Variants in SGCZ observed in about 807,000 individuals in gnomAD.
The protein encoded by SGCZ is sarcoglycan zeta.
In SGCZ, 40 loss-of-function variants were observed where a neutral mutation model predicts 41.3. The observed-to-expected ratio is 0.97, with a 90% CI of 0.75 to 1.26. The LOEUF is 1.26. Ranked by LOEUF, SGCZ falls within the 50% of genes most tolerant of loss-of-function variation. SGCZ has a pLI of 0.00. For missense variants in SGCZ, 552 were observed against 369.8 expected (o/e 1.49, Z -4.04); for synonymous variants, 206 against 137.5 (o/e 1.50, Z -3.49).
intron 1 of SGCZ, among the ~76,000 whole-genome samples, chr8:14,634,520 T>C (rs1405268547): frequency 2.0e-5 from 3 of 151,894 alleles, no homozygotes; most frequent in Non-Finnish European, 4.4e-5. Flanking sequence ...AATCTTCTTT[T>C]ATGATATTAG....
chr8:14,738,668 A>T (rs2130268940), intron 1 of SGCZ, among the ~76,000 whole-genome samples: 1 of 152,208 alleles, frequency 6.6e-6, no homozygotes, highest in East Asian at 1.9e-4. Context: ...TAGACTGAGA[A>T]TATTTTATTT....
intron 4 of SGCZ, among the ~76,000 whole-genome samples, chr8:14,235,024 T>A (rs2117160216): frequency 6.6e-6 from 1 of 152,278 alleles, no homozygotes; most frequent in East Asian, 1.9e-4. Context: ...ATCATCACAA[T>A]AATAGATTCA....
chr8:14,581,020 G>T (rs777663765), intron 1 of SGCZ, among the ~76,000 whole-genome samples: 1 of 152,168 alleles, frequency 6.6e-6, no homozygotes, highest in Non-Finnish European at 1.5e-5. Flanking sequence ...CACTGATACA[G>T]GTATCCTGTG....
At chr8:14,433,763 G>C (rs959912121) in intron 2 of SGCZ, among the ~76,000 whole-genome samples, 2 of 152,124 alleles carry the variant, frequency 1.3e-5, no homozygotes, top group African/African-American at 4.8e-5. Context: ...ATTGTTCTTG[G>C]AATTATTTCT....
intron 1 of SGCZ, among the ~76,000 whole-genome samples, chr8:15,049,211 T>A (rs561949381): frequency 1.3e-5 from 2 of 152,284 alleles, no homozygotes; most frequent in Non-Finnish European, 2.9e-5. Flanking sequence ...GGATAAGCTT[T>A]GGCCTTTGGG....
chr8:14,739,934 G>T (rs1799149477), intron 1 of SGCZ, among the ~76,000 whole-genome samples: 1 of 151,962 alleles, frequency 6.6e-6, no homozygotes, highest in South Asian at 2.1e-4. Flanking sequence ...GCGTAATTTA[G>T]TTCTTATATA....
intron 2 of SGCZ, among the ~76,000 whole-genome samples, chr8:14,522,349 T>C (rs980533649): frequency 2.0e-5 from 3 of 152,048 alleles, no homozygotes; most frequent in Admixed American, 6.6e-5. Flanking sequence ...TTTAGTGAAA[T>C]CTTCAGTGAA....
At chr8:14,241,929 A>G (rs1292513723) in intron 3 of SGCZ, among the ~76,000 whole-genome samples, 2 of 152,066 alleles carry the variant, frequency 1.3e-5, no homozygotes, top group South Asian at 2.1e-4. Context: ...TTTTCTTTTT[A>G]TTTCTATTGC....
intron 1 of SGCZ, among the ~76,000 whole-genome samples, chr8:14,708,236 A>G (rs1040522936): frequency 6.6e-6 from 1 of 152,054 alleles, no homozygotes; most frequent in African/African-American, 2.4e-5. Flanking sequence ...CTATTTTGCA[A>G]CATATTAGTA....
At chr8:14,587,152 T>C (rs1158122059) in intron 1 of SGCZ, among the ~76,000 whole-genome samples, 1 of 152,084 alleles carries the variant, frequency 6.6e-6, no homozygotes, top group Admixed American at 6.6e-5. Context: ...ATATTTTATG[T>C]ATGTGTCATA....
intron 1 of SGCZ, among the ~76,000 whole-genome samples, chr8:14,751,926 C>T (rs1044367040): frequency 9.6e-5 from 14 of 146,430 alleles, no homozygotes; most frequent in African/African-American, 2.3e-4. Flanking sequence ...AGTGAGACTC[C>T]GACTCAAGAA....
intron 2 of SGCZ, among the ~76,000 whole-genome samples, chr8:14,495,478 G>C (rs955439982): frequency 6.6e-6 from 1 of 152,108 alleles, no homozygotes; most frequent in African/African-American, 2.4e-5. Flanking sequence ...CACTGAAAAA[G>C]TCTGGCTTTT....
intron 1 of SGCZ, among the ~76,000 whole-genome samples, chr8:14,864,883 ATCC>A (rs1803873282): frequency 6.6e-6 from 1 of 151,996 alleles, no homozygotes; most frequent in Admixed American, 6.6e-5. Flanking sequence ...TTGAGATAGT[ATCC>A]TATATTGGTT....
chr8:14,866,341 A>G (rs959132674), intron 1 of SGCZ, among the ~76,000 whole-genome samples: 1 of 152,162 alleles, frequency 6.6e-6, no homozygotes, highest in Admixed American at 6.6e-5. Flanking sequence ...TTAAAAGGTA[A>G]AACACTGGTT....
chr8:14,124,859 A>G (rs4398917), intron 5 of SGCZ, among the ~76,000 whole-genome samples: 1 of 152,174 alleles, frequency 6.6e-6, no homozygotes, highest in Non-Finnish European at 1.5e-5. Context: ...ACCTAAAGGT[A>G]TTATATATAC....
chr8:14,979,719 GTTC>G (rs1801600144), intron 1 of SGCZ, among the ~76,000 whole-genome samples: 1 of 152,110 alleles, frequency 6.6e-6, no homozygotes, highest in Non-Finnish European at 1.5e-5. Context: ...CACTAAAAAA[GTTC>G]TTCATTTCTT....
intron 1 of SGCZ, among the ~76,000 whole-genome samples, chr8:15,228,317 A>G (rs1801839909): frequency 6.6e-6 from 1 of 152,204 alleles, no homozygotes; most frequent in Non-Finnish European, 1.5e-5. Context: ...CTAAATGTTC[A>G]TAATTTCTCC....
intron 1 of SGCZ, among the ~76,000 whole-genome samples, chr8:14,614,153 C>T (rs1006230404): frequency 6.6e-6 from 1 of 151,996 alleles, no homozygotes; most frequent in Non-Finnish European, 1.5e-5. Flanking sequence ...CCCTAATGTC[C>T]GTTGCTAAAT....
chr8:15,058,274 C>T lies in SGCZ; in HGVS notation c.39+179311G>A, dbSNP rs187283325. Among the ~76,000 whole-genome samples, 919 of 152,172 alleles carry T rather than the reference C, an allele frequency of 6.0e-3. 7 individuals are homozygous for T. Among genetic ancestry groups the T allele is most frequent in the Non-Finnish European group, 9.9e-3 (675 of 68,008 alleles). On this transcript the variant is annotated intron_variant, in intron 1 of 7. Coordinates refer to ENST00000382080, the MANE Select transcript of SGCZ (RefSeq NM_139167.4). Reference sequence around the variant, plus strand: ...TTCAAATATTCTCCATGTATCTTTTCTATACTGTGATCTGTGTTGAAAGAG... The same window carrying T: ...TTCAAATATTCTCCATGTATCTTTTTTATACTGTGATCTGTGTTGAAAGAG...
Sources: gnomAD v4.1 joint callset for allele counts (sites outside exome capture counted in the v4.1 genomes callset) on GRCh38, gnomAD v4.1.1 for gene constraint, MANE v1.5 for transcripts, NCBI Gene and HGNC (gene_info 2026-07-23, HGNC 2026-07-21) for gene names.